LARGE1: variants seen among roughly 807,000 people sequenced by gnomAD.
LARGE1 encodes the protein LARGE xylosyl- and glucuronyltransferase 1, also known as xylosyl- and glucuronyltransferase LARGE1.
Under a neutral mutation model 87.6 loss-of-function variants are expected in LARGE1, and 43 were observed. The ratio of observed to expected loss-of-function variants is 0.49; its 90% confidence interval spans 0.38 to 0.63. The LOEUF (loss-of-function observed/expected upper bound fraction) is 0.63. LARGE1 is among the 30% of genes least tolerant of loss of function. The probability of loss-of-function intolerance (pLI) is 0.00; values close to 1 mark genes in which losing one functional copy is unlikely to be tolerated. For synonymous variants in LARGE1, 434 were observed against 394.6 expected, an observed-to-expected ratio of 1.10 and a Z score of -1.18; for missense variants, 802 against 1,000.2, an observed-to-expected ratio of 0.80 and a Z score of 2.67.
chr22:33,742,732 T>C (rs535539309), intron 2 of LARGE1, among the ~76,000 whole-genome samples: 5 of 152,368 alleles, frequency 3.3e-5, no homozygotes, highest in African/African-American at 9.6e-5. Context: ...CAATGTCTTT[T>C]TTCCACTGGA....
intron 1 of LARGE1, among the ~76,000 whole-genome samples, chr22:33,916,539 G>A (rs1382765910): frequency 6.6e-6 from 1 of 152,136 alleles, no homozygotes; most frequent in Non-Finnish European, 1.5e-5. Context: ...ACCTCTCAAT[G>A]GCAAATACTC....
chr22:33,305,820 C>A (rs1384455674), intron 11 of LARGE1, among the ~76,000 whole-genome samples: 13 of 151,292 alleles, frequency 8.6e-5, no homozygotes, highest in Non-Finnish European at 1.0e-4. Flanking sequence ...ACCAAATTGA[C>A]CAGAAACATT....
chr22:33,100,609 G>A, the LARGE1 span, among the ~76,000 whole-genome samples: 1 of 152,094 alleles, frequency 6.6e-6, no homozygotes, highest in Non-Finnish European at 1.5e-5. Context: ...CAAGTTTAAT[G>A]TGTACATGTA....
rs1556115435 is a variant in LARGE1 at position 33,816,665 on chromosome 22, CGGAT to C, written c.-82-55111_-82-55108del. Among the ~76,000 whole-genome samples the C allele has an allele frequency of 3.7e-3, 462 of 125,868 alleles. 6 individuals are homozygous for C. The highest frequency in any genetic ancestry group is 0.029 in the Admixed American group (375 of 13,152). The allele number at this position is 125,868 out of a possible 152,430, so 82.6% of individuals were successfully genotyped here. On this transcript the variant is annotated intron_variant, in intron 1 of 14. Transcript: ENST00000397394. ...GTGGACATACAGACAGACGGATGCA[CGGAT>C]GGATGGATAGATAGATAGATAGACA...
In LARGE1 at chr22:33,300,386, G is replaced by A. The variant is rs116163122; in HGVS notation, c.1730+3843C>T. On this transcript the variant is annotated intron_variant, in intron 12 of 14. Coordinates refer to ENST00000397394, the MANE Select transcript of LARGE1 (RefSeq NM_133642.5). ...TCATTCTTAAGTAATTAACAAATGT[G>A]TTTTTTTGAGATAGGGTGTTGCCCT... is the stretch of plus-strand genomic sequence containing the variant. 2.5e-3 allele frequency among the ~76,000 whole-genome samples: 388 copies of A among 152,226 alleles called. 2 individuals carry two copies. The highest frequency in any genetic ancestry group is 9.0e-3 in the African/African-American group (373 of 41,540).
In LARGE1 at chr22:33,660,350, C is replaced by T. The variant is rs2081087370; in HGVS notation, c.107-9682G>A. Among the ~76,000 whole-genome samples the T allele has an allele frequency of 2.6e-5, 4 of 152,236 alleles. No homozygotes were observed. The South Asian group carries it at 8.3e-4, about 32-fold the overall frequency. ...AAGGACTTGACAGCAGAGTGAAGGT[C>T]TTCTCTTAGATCACCAGGTGGTTTA... On this transcript the variant is annotated intron_variant, in intron 2 of 14. Transcript: ENST00000397394.
intron 6 of LARGE1, among the ~76,000 whole-genome samples, chr22:33,560,052 G>A (rs997902779): frequency 6.6e-6 from 1 of 152,146 alleles, no homozygotes; most frequent in Non-Finnish European, 1.5e-5. Context: ...CAAGGGAAAG[G>A]AGGGTGCAGA....
rs3072287 is a variant in LARGE1, at chr22:33,689,145, GTCTC to G, written c.107-38481_107-38478del. On this transcript the variant is annotated intron_variant, in intron 2 of 14. Transcript: ENST00000397394. ...TACTGCAAGGGCTGACAAATTTACT[GTCTC>G]TCTCTCTCTCTCTCTCTCCCCCCTC... is the stretch of plus-strand genomic sequence containing the variant. Among the ~76,000 whole-genome samples the G allele has an allele frequency of 9.1e-3, 1,350 of 147,610 alleles. 25 individuals are homozygous for G. The highest frequency in any genetic ancestry group is 0.032 in the African/African-American group (1,275 of 40,192).
chr22:33,327,950 T>C (rs1937382652), intron 10 of LARGE1, among the ~76,000 whole-genome samples: 1 of 151,660 alleles, frequency 6.6e-6, no homozygotes. Flanking sequence ...TTATTGAGCA[T>C]GGATCTGGTG....
chr22:33,252,740 G>A (rs879528047), intron 11 of LARGE1, among the ~76,000 whole-genome samples: 3 of 152,070 alleles, frequency 2.0e-5, no homozygotes, highest in Non-Finnish European at 4.4e-5. Flanking sequence ...CATTCTTTTG[G>A]GTTCATGTAA....
At chr22:33,614,206 G>A (rs1289282906) in intron 4 of LARGE1, among the ~76,000 whole-genome samples, 1 of 152,102 alleles carries the variant, frequency 6.6e-6, no homozygotes, top group Non-Finnish European at 1.5e-5. Context: ...CTACCTTACA[G>A]TTATTGTCAG....
chr22:33,203,843 C>T (rs966528709), intron 11 of LARGE1, among the ~76,000 whole-genome samples: 23 of 152,168 alleles, frequency 1.5e-4, no homozygotes, highest in African/African-American at 4.6e-4. Context: ...CACCACTCCC[C>T]GGACCTTACC....
the LARGE1 span, among the ~76,000 whole-genome samples, chr22:33,133,030 T>G: frequency 8.5e-5 from 13 of 152,188 alleles, no homozygotes; most frequent in African/African-American, 3.1e-4. Flanking sequence ...GCCTCCTTTA[T>G]TTCTTCCTGG....
At chr22:33,396,312 A>G (rs1029160128) in intron 7 of LARGE1, among the ~76,000 whole-genome samples, 2 of 152,226 alleles carry the variant, frequency 1.3e-5, no homozygotes, top group African/African-American at 2.4e-5. Context: ...ATTAAAAACC[A>G]CTTAATTTAA....
intron 1 of LARGE1, among the ~76,000 whole-genome samples, chr22:33,918,998 T>C (rs988871980): frequency 3.7e-4 from 56 of 151,888 alleles, no homozygotes; most frequent in Admixed American, 9.8e-4. Context: ...TGTAAGCTGC[T>C]ATTTTGCTCC....
chr22:33,557,100 C>G (rs1303053137), intron 6 of LARGE1, among the ~76,000 whole-genome samples: 1 of 152,114 alleles, frequency 6.6e-6, no homozygotes, highest in Non-Finnish European at 1.5e-5. Flanking sequence ...ACTTAATCAC[C>G]AAAATAAACC....
At chr22:33,073,510 C>T in the LARGE1 span, among the ~76,000 whole-genome samples, 5 of 152,256 alleles carry the variant, frequency 3.3e-5, no homozygotes, top group Admixed American at 6.5e-5. Context: ...TTTCTAAACT[C>T]CTCCTTAACC....
At chr22:33,714,493 T>A in intron 2 of LARGE1, among the ~76,000 whole-genome samples, 1 of 152,188 alleles carries the variant, frequency 6.6e-6, no homozygotes, top group East Asian at 1.9e-4. Context: ...AGACAACACA[T>A]AATCTGTTGG....
At chr22:33,461,328 T>C (rs554209806) in intron 6 of LARGE1, among the ~76,000 whole-genome samples, 149 of 152,246 alleles carry the variant, frequency 9.8e-4, no homozygotes, top group African/African-American at 3.4e-3. Flanking sequence ...AATATGTCCC[T>C]AAATTCTTTC....
Sources: gnomAD v4.1 joint callset for allele counts (sites outside exome capture counted in the v4.1 genomes callset) on GRCh38, gnomAD v4.1.1 for gene constraint, MANE v1.5 for transcripts, NCBI Gene and HGNC (gene_info 2026-07-23, HGNC 2026-07-21) for gene names.